The following CNTN4 variants were observed in gnomAD, a reference collection of about 807,000 sequenced individuals.
CNTN4 encodes contactin-4.
In CNTN4, 77 loss-of-function variants were observed where a neutral mutation model predicts 122.5. The ratio of observed to expected loss-of-function variants is 0.63; its 90% CI spans 0.52 to 0.76. The LOEUF is 0.76. Among genes scored for constraint, CNTN4 ranks in the 30% least tolerant of loss-of-function variants. The pLI is 0.00. For synonymous variants in CNTN4, 512 were observed against 447.0 expected (o/e 1.15, Z -1.83); for missense variants, 1,256 against 1,259.1 (o/e 1.00, Z 0.04).
At chr3:2,561,348 C>T (rs1471607110) in intron 3 of CNTN4, among the ~76,000 whole-genome samples, 1 of 152,164 alleles carries the variant, frequency 6.6e-6, no homozygotes, top group Non-Finnish European at 1.5e-5. Flanking sequence ...CTTTCCTGCT[C>T]TGGTGATAGA....
At chr3:2,516,189 A>T (rs560782266) in intron 3 of CNTN4, among the ~76,000 whole-genome samples, 5 of 152,108 alleles carry the variant, frequency 3.3e-5, no homozygotes, top group South Asian at 2.1e-4. Context: ...ATATATATAT[A>T]TTTTTGATGC....
intron 8 of CNTN4, among the ~76,000 whole-genome samples, chr3:2,875,418 A>G (rs1431460821): frequency 2.0e-5 from 3 of 152,184 alleles, no homozygotes; most frequent in Admixed American, 6.5e-5. Context: ...TGTTGATTCT[A>G]TTGATTCTCT....
intron 13 of CNTN4, among the ~76,000 whole-genome samples, chr3:2,987,269 C>T (rs1291150596): frequency 6.6e-6 from 1 of 152,162 alleles, no homozygotes; most frequent in Non-Finnish European, 1.5e-5. Flanking sequence ...AAGCTAGATC[C>T]ATTAGGCTTC....
intron 3 of CNTN4, among the ~76,000 whole-genome samples, chr3:2,348,041 C>T (rs62244016): frequency 0.13 from 19,342 of 151,964 alleles, 1,529 homozygotes; most frequent in Non-Finnish European, 0.18. Context: ...ACATATAGTT[C>T]GTAATTTTAT....
At chr3:2,148,143 A>T (rs746348849) in intron 2 of CNTN4, among the ~76,000 whole-genome samples, 1 of 152,206 alleles carries the variant, frequency 6.6e-6, no homozygotes, top group South Asian at 2.1e-4. Context: ...AATTCAGAAA[A>T]TAGTAGTAGG....
At chr3:2,972,751 A>ATATTATCCTC (rs1693050626) in intron 13 of CNTN4, among the ~76,000 whole-genome samples, 1 of 152,122 alleles carries the variant, frequency 6.6e-6, no homozygotes, top group Admixed American at 6.6e-5. Context: ...ATATCTTCAG[A>ATATTATCCTC]TATTATCCTC....
intron 4 of CNTN4, among the ~76,000 whole-genome samples, chr3:2,640,222 G>C (rs533013395): frequency 1.9e-4 from 29 of 152,312 alleles, no homozygotes; most frequent in African/African-American, 6.7e-4. Context: ...AAGTTGAAGA[G>C]TCTAAATTGA....
chr3:2,336,595 G>A (rs967639716), intron 2 of CNTN4, among the ~76,000 whole-genome samples: 5 of 152,098 alleles, frequency 3.3e-5, no homozygotes, highest in African/African-American at 1.2e-4. Flanking sequence ...CCATTTAGTT[G>A]TAATATACAG....
At chr3:3,011,616 G>A (rs1697235681) in intron 14 of CNTN4, among the ~76,000 whole-genome samples, 1 of 152,134 alleles carries the variant, frequency 6.6e-6, no homozygotes, top group Non-Finnish European at 1.5e-5. Context: ...ATTTCCTTAT[G>A]ATACTTTCAC....
chr3:2,749,202 C>T (rs1024418292), intron 6 of CNTN4, among the ~76,000 whole-genome samples: 6 of 152,100 alleles, frequency 3.9e-5, no homozygotes, highest in Non-Finnish European at 8.8e-5. Flanking sequence ...CTTGCTCCGT[C>T]GCCCTAGCTG....
chr3:2,907,911 G>T (rs1402921124), intron 12 of CNTN4, among the ~76,000 whole-genome samples: 1 of 152,222 alleles, frequency 6.6e-6, no homozygotes, highest in East Asian at 1.9e-4. Flanking sequence ...CTTGAGGTCA[G>T]TATATTGGTA....
chr3:2,384,956 A>G (rs1045701924), intron 3 of CNTN4, among the ~76,000 whole-genome samples: 29 of 152,088 alleles, frequency 1.9e-4, no homozygotes, highest in Admixed American at 5.2e-4. Flanking sequence ...ACAGTGGTTG[A>G]CGTTCAAACT....
At chr3:2,734,208 A>G (rs1465781454) in intron 4 of CNTN4, among the ~76,000 whole-genome samples, 2 of 152,034 alleles carry the variant, frequency 1.3e-5, no homozygotes, top group Non-Finnish European at 2.9e-5. Flanking sequence ...CTAGAGGCGC[A>G]TGCCACCAAG....
chr3:2,600,316 T>C (rs1484023196), intron 4 of CNTN4, among the ~76,000 whole-genome samples: 2 of 152,062 alleles, frequency 1.3e-5, no homozygotes, highest in Non-Finnish European at 2.9e-5. Flanking sequence ...ACTCGTCATT[T>C]ACATTAGGTA....
chr3:2,269,534 C>A (rs995013725), intron 2 of CNTN4, among the ~76,000 whole-genome samples: 1 of 152,064 alleles, frequency 6.6e-6, no homozygotes. Context: ...GGAATCATTT[C>A]GGTGGCTGTA....
intron 4 of CNTN4, among the ~76,000 whole-genome samples, chr3:2,727,215 A>G (rs1421819422): frequency 2.6e-5 from 4 of 152,212 alleles, no homozygotes; most frequent in African/African-American, 9.7e-5. Context: ...GAAGAGAAAT[A>G]TAGCCCACAA....
intron 4 of CNTN4, among the ~76,000 whole-genome samples, chr3:2,714,282 C>T (rs1426467289): frequency 6.6e-6 from 1 of 152,146 alleles, no homozygotes; most frequent in African/African-American, 2.4e-5. Flanking sequence ...ATGGTTCTAA[C>T]ATCTCATAGC....
intron 2 of CNTN4, among the ~76,000 whole-genome samples, chr3:2,121,621 A>C (rs1279782457): frequency 6.6e-6 from 1 of 152,242 alleles, no homozygotes; most frequent in Non-Finnish European, 1.5e-5. Context: ...GAATATAAGC[A>C]AATGTCAAAC....
At chr3:2,432,350 G>A (rs1055160490) in intron 3 of CNTN4, among the ~76,000 whole-genome samples, 1 of 152,174 alleles carries the variant, frequency 6.6e-6, no homozygotes, top group African/African-American at 2.4e-5. Flanking sequence ...CTATAAATGT[G>A]TATTCTGTTG....
Sources: gnomAD v4.1 joint callset for allele counts (sites outside exome capture counted in the v4.1 genomes callset) on GRCh38, gnomAD v4.1.1 for gene constraint, MANE v1.5 for transcripts, NCBI Gene and HGNC (gene_info 2026-07-23, HGNC 2026-07-21) for gene names.